The following DCC variants were observed in gnomAD, a reference collection of about 807,000 sequenced individuals.
DCC encodes the protein netrin receptor DCC.
Under a neutral mutation model 172.5 loss-of-function variants are expected in DCC, and 58 were observed. That is an observed-to-expected ratio of 0.34 (90% CI 0.27 to 0.42). The LOEUF (loss-of-function observed/expected upper bound fraction) is 0.42, where lower values mean the gene tolerates loss of function less well. Among genes scored for constraint, DCC ranks in the 10% least tolerant of loss-of-function variants. The probability of loss-of-function intolerance (pLI) is 1.00; values close to 1 mark genes in which losing one functional copy is unlikely to be tolerated. For synonymous variants in DCC, 709 were observed against 644.5 expected (o/e 1.10, Z -1.52); for missense variants, 1,740 against 1,791.0 (o/e 0.97, Z 0.51).
At chr18:53,178,611 C>T (rs891095274) in intron 8 of DCC, among the ~76,000 whole-genome samples, 3 of 152,194 alleles carry the variant, frequency 2.0e-5, no homozygotes, top group Non-Finnish European at 4.4e-5. Context: ...TTACAAAACT[C>T]GTCTTCCTGT....
rs150462016 is a variant in DCC at position 52,641,030 on chromosome 18, G to A, written c.92-111024G>A. 3.5e-3 allele frequency among the ~76,000 whole-genome samples: 529 copies of A among 152,242 alleles called. 21 individuals carry two copies. In the East Asian group the frequency reaches 0.088, roughly 25 times the overall value. On this transcript the variant is annotated intron_variant, in intron 1 of 28. Coordinates refer to ENST00000442544, the MANE Select transcript of DCC (RefSeq NM_005215.4). ...CATAAAAATAGGCACATAGACCAATGGAACAGAATAGAAAAGCCAGAAATT... is the reference window on the plus strand; with the variant it reads ...CATAAAAATAGGCACATAGACCAATAGAACAGAATAGAAAAGCCAGAAATT...
At chr18:52,799,822 A>G (rs2037950073) in intron 2 of DCC, among the ~76,000 whole-genome samples, 1 of 152,232 alleles carries the variant, frequency 6.6e-6, no homozygotes, top group South Asian at 2.1e-4. Context: ...GCAATATAAT[A>G]ATAATGCCTA....
rs889184560 is a variant in DCC at position 52,851,407 on chromosome 18, T to A, written c.413-54637T>A. On this transcript the variant is annotated intron_variant, in intron 2 of 28. Coordinates refer to ENST00000442544, the MANE Select transcript of DCC (RefSeq NM_005215.4). ...TTCCCAAACAGCCTACTTAATTCTG[T>A]TTGTGAATGACTTGAGGCATCACAT... 5.9e-5 allele frequency among the ~76,000 whole-genome samples: 9 copies of A among 152,132 alleles called. No individual in the cohort carries two copies. The East Asian group carries it at 1.7e-3, about 29-fold the overall frequency.
chr18:53,353,076 G>A (rs546182130), intron 15 of DCC, among the ~76,000 whole-genome samples: 1 of 152,080 alleles, frequency 6.6e-6, no homozygotes, highest in South Asian at 2.1e-4. Context: ...ATGTGAGTTC[G>A]AGACTGGCCT....
chr18:53,064,328 G>A (rs933457893), intron 6 of DCC, among the ~76,000 whole-genome samples: 1 of 152,114 alleles, frequency 6.6e-6, no homozygotes, highest in Admixed American at 6.5e-5. Flanking sequence ...TTAGGTATAT[G>A]AATATATGAG....
intron 1 of DCC, among the ~76,000 whole-genome samples, chr18:52,748,568 G>A (rs895978571): frequency 1.2e-4 from 18 of 152,212 alleles, no homozygotes; most frequent in African/African-American, 4.1e-4. Flanking sequence ...CTCTTGGGCT[G>A]GCCCGGCCCC....
chr18:53,297,044 T>C (rs2057075630), intron 12 of DCC, among the ~76,000 whole-genome samples: 1 of 152,178 alleles, frequency 6.6e-6, no homozygotes, highest in South Asian at 2.1e-4. Context: ...AGAATGTCAG[T>C]GTGCAGTAGG....
At chr18:52,526,959 G>GCATCCGCCTCGAGCT (rs2032001879) in intron 1 of DCC, among the ~76,000 whole-genome samples, 1 of 152,114 alleles carries the variant, frequency 6.6e-6, no homozygotes, top group African/African-American at 2.4e-5. Flanking sequence ...ATCTACAGGT[G>GCATCCGCCTCGAGCT]GTGTTTAAAT....
intron 15 of DCC, among the ~76,000 whole-genome samples, chr18:53,343,788 A>G (rs1261353864): frequency 1.3e-5 from 2 of 151,828 alleles, no homozygotes; most frequent in African/African-American, 4.8e-5. Flanking sequence ...TGGACCTGAG[A>G]TTTTTTTTAT....
At chr18:53,220,915 C>A (rs1466722718) in intron 12 of DCC, among the ~76,000 whole-genome samples, 2 of 152,048 alleles carry the variant, frequency 1.3e-5, no homozygotes, top group Non-Finnish European at 1.5e-5. Context: ...TTCCTGGGGG[C>A]TCTTACAGTC....
At chr18:53,398,239 T>G (rs1909078660) in intron 18 of DCC, among the ~76,000 whole-genome samples, 1 of 152,156 alleles carries the variant, frequency 6.6e-6, no homozygotes, top group Non-Finnish European at 1.5e-5. Context: ...CTGGGTAAGT[T>G]GAATTTATCT....
intron 1 of DCC, among the ~76,000 whole-genome samples, chr18:52,407,237 G>A (rs1220786744): frequency 6.6e-6 from 1 of 152,022 alleles, no homozygotes; most frequent in East Asian, 1.9e-4. Flanking sequence ...GATGCTTATG[G>A]GCAAATGTCA....
chr18:53,433,783 C>T (rs1290615970), intron 21 of DCC, among the ~76,000 whole-genome samples: 2 of 152,172 alleles, frequency 1.3e-5, no homozygotes, highest in African/African-American at 4.8e-5. Flanking sequence ...TCCCCCTGTA[C>T]ACACACATAG....
chr18:53,529,314 G>GTACT (rs754294616), intron 28 of DCC, among the ~76,000 whole-genome samples: 13 of 152,028 alleles, frequency 8.6e-5, no homozygotes, highest in Non-Finnish European at 1.9e-4. Context: ...GAGATCAAGG[G>GTACT]TACTTATTTG....
At chr18:52,716,503 G>T (rs924340138) in intron 1 of DCC, among the ~76,000 whole-genome samples, 1 of 152,192 alleles carries the variant, frequency 6.6e-6, no homozygotes, top group Non-Finnish European at 1.5e-5. Flanking sequence ...CATGTGGCTT[G>T]TGATTGAGGT....
At chr18:52,660,082 C>A (rs531714398) in intron 1 of DCC, among the ~76,000 whole-genome samples, 11 of 152,074 alleles carry the variant, frequency 7.2e-5, no homozygotes, top group African/African-American at 2.7e-4. Context: ...AATAAGAAAT[C>A]GGTTCTCTAG....
intron 9 of DCC, among the ~76,000 whole-genome samples, chr18:53,184,832 T>C (rs1333526228): frequency 6.6e-6 from 1 of 152,148 alleles, no homozygotes; most frequent in Non-Finnish European, 1.5e-5. Flanking sequence ...AGATACAAAA[T>C]ATCAGTTATA....
At chr18:53,182,104 C>T (rs369200949) in intron 9 of DCC, among the ~76,000 whole-genome samples, 4 of 152,068 alleles carry the variant, frequency 2.6e-5, no homozygotes, top group Non-Finnish European at 4.4e-5. Flanking sequence ...TAACAATTAG[C>T]GTAAATGATA....
intron 8 of DCC, among the ~76,000 whole-genome samples, chr18:53,171,980 C>G (rs1489500308): frequency 6.6e-6 from 1 of 152,010 alleles, no homozygotes; most frequent in African/African-American, 2.4e-5. Flanking sequence ...TTAGGAGATT[C>G]CTGAAAGAAC....
Sources: gnomAD v4.1 joint callset for allele counts (sites outside exome capture counted in the v4.1 genomes callset) on GRCh38, gnomAD v4.1.1 for gene constraint, MANE v1.5 for transcripts, NCBI Gene and HGNC (gene_info 2026-07-23, HGNC 2026-07-21) for gene names.